Variants in IVD observed in about 807,000 individuals in gnomAD.
The protein encoded by IVD is isovaleryl-CoA dehydrogenase, also known as isovaleryl-CoA dehydrogenase, mitochondrial.
IVD carries 31 observed loss-of-function variants against 51.3 expected under a neutral mutation model. That is an observed-to-expected ratio of 0.60 (90% CI 0.45 to 0.81). The LOEUF is 0.81. Among genes scored for constraint, IVD ranks in the 40% least tolerant of loss-of-function variants. The pLI is 0.00. For synonymous variants in IVD, 205 were observed against 219.4 expected, an observed-to-expected ratio of 0.93 and a Z score of 0.58; for missense variants, 475 against 552.0, an observed-to-expected ratio of 0.86 and a Z score of 1.40.
chr15:40,435,221 T>A (rs1485458786), intron 8 of IVD, among the ~76,000 whole-genome samples: 1 of 152,116 alleles, frequency 6.6e-6, no homozygotes, highest in East Asian at 1.9e-4. Context: ...CTCGTCCCCA[T>A]GTTTGTCTTT....
intron 8 of IVD, 124 bp downstream of exon 8, chr15:40,415,106 C>A: frequency 8.9e-7 from 1 of 1,126,952 alleles, no homozygotes; most frequent in Non-Finnish European, 1.3e-6. Context: ...CCTGCTCTCT[C>A]CTGGGAGATG....
chr15:40,418,449 C>A lies in IVD; in HGVS notation c.*186C>A, dbSNP rs1426715791. On this transcript the variant is annotated 3_prime_UTR_variant, in exon 12 of 12. Transcript: ENST00000487418. ...AAGCATCATGGGCCTCGCAGCCGGG[C>A]CTGTGCCACGGCTAGTGTTGTGTGA... The A allele has an allele frequency of 2.0e-6, 3 of 1,485,784 alleles. No homozygotes were observed. The highest frequency in any genetic ancestry group is 1.4e-5 in the African/African-American group (1 of 71,574). The allele number at this position is 1,485,784 out of a possible 1,614,324, so 92.0% of individuals were successfully genotyped here. A position where few individuals can be genotyped will look rare whatever the true frequency, so the allele number is the denominator to read the frequency against.
In IVD at chr15:40,418,524, G is replaced by A. The variant is rs2075624; in HGVS notation, c.*261G>A. The A allele has an allele frequency of 0.25, 322,339 of 1,281,854 alleles. 47,255 individuals carry two copies. Among genetic ancestry groups the A allele is most frequent in the East Asian group, 0.66 (17,214 of 25,996 alleles). 79.4% of individuals were successfully genotyped at this position (1,281,854 alleles called of 1,614,324 possible). A position where few individuals can be genotyped will look rare whatever the true frequency, so the allele number is the denominator to read the frequency against. ...ATATTGTCTGGGGATTGTTGGGACAGGTTTTGGTGACTCTGTGCCCTTGCT... is the reference window on the plus strand; with the variant it reads ...ATATTGTCTGGGGATTGTTGGGACAAGTTTTGGTGACTCTGTGCCCTTGCT... On this transcript the variant is annotated 3_prime_UTR_variant, in exon 12 of 12. Coordinates refer to ENST00000487418, the MANE Select transcript of IVD (RefSeq NM_002225.5).
intron 11 of IVD, 46 bp downstream of exon 11, chr15:40,416,408 G>C: frequency 7.0e-6 from 11 of 1,576,402 alleles, no homozygotes; most frequent in Non-Finnish European, 9.6e-6. Context: ...TCACTCCTGG[G>C]GCCTGTGGCT....
At chr15:40,429,121 G>T (rs1892831719), downstream of IVD, among the ~76,000 whole-genome samples, 1 of 152,130 alleles carries the variant, frequency 6.6e-6, no homozygotes, top group Non-Finnish European at 1.5e-5. Context: ...TTTCCCTGCT[G>T]CCCCATGGAA....
At chr15:40,432,577 C>T (rs1208418900) in intron 7 of IVD, among the ~76,000 whole-genome samples, 1 of 152,266 alleles carries the variant, frequency 6.6e-6, no homozygotes, top group Non-Finnish European at 1.5e-5. Context: ...AAAAGAACCA[C>T]AGGTGATTCT....
intron 7 of IVD, 176 bp downstream of exon 7, chr15:40,413,263 C>T (rs1217377817): frequency 1.5e-6 from 1 of 661,846 alleles, no homozygotes; most frequent in East Asian, 2.8e-5. Flanking sequence ...CTGGCCAGGG[C>T]CCTGCAGCGG....
rs796051983 is a variant in IVD, at chr15:40,415,412, C to T, written c.890C>T (p.Ala297Val). 7 of 1,614,056 alleles carry T rather than the reference C, an allele frequency of 4.3e-6. No individual in the cohort carries two copies. The highest frequency in any genetic ancestry group is 4.5e-5 in the East Asian group (2 of 44,876). ...CTCCTTTCTGACAGGCTCATGCAAGCGGTCCTGGACCACACCATTCCCTAC... is the reference window on the plus strand; with the variant it reads ...CTCCTTTCTGACAGGCTCATGCAAGTGGTCCTGGACCACACCATTCCCTAC... ...LAGGPLGLMQ[A>V]VLDHTIPYLH... Residue 297 changes from alanine to valine, a missense_variant, in exon 9 of 12, where the codon GCG becomes GTG. Coordinates refer to ENST00000487418, the MANE Select transcript of IVD (RefSeq NM_002225.5).
At chr15:40,411,237 C>T (rs1198261831) in intron 4 of IVD, 23 bp from the exon 5 acceptor site, 6 of 1,611,366 alleles carry the variant, frequency 3.7e-6, no homozygotes, top group Non-Finnish European at 5.1e-6. Flanking sequence ...TGTAACAAGG[C>T]CTGTTGGGGG....
At chr15:40,417,440 G>A (rs906698191) in intron 11 of IVD, among the ~76,000 whole-genome samples, 5 of 151,312 alleles carry the variant, frequency 3.3e-5, no homozygotes, top group Admixed American at 1.3e-4. Flanking sequence ...CCTTGGATGC[G>A]GAGGTTGCAG....
chr15:40,412,823 C>T (rs1331246385), intron 6 of IVD, 168 bp from the exon 7 acceptor site: 7 of 625,606 alleles, frequency 1.1e-5, no homozygotes, highest in Admixed American at 2.5e-5. Flanking sequence ...CAATCTGGGG[C>T]GTTAGCACCG....
At chr15:40,411,760 C>A in intron 6 of IVD, 69 bp downstream of exon 6, 2 of 1,553,388 alleles carry the variant, frequency 1.3e-6, no homozygotes, top group Non-Finnish European at 1.8e-6. Flanking sequence ...ATAGCCCGTT[C>A]ACTGATCTCA....
intron 7 of IVD, chr15:40,414,526 T>G: frequency 3.3e-6 from 1 of 304,740 alleles, no homozygotes; most frequent in Non-Finnish European, 6.6e-6. Flanking sequence ...GGGGAAAGAG[T>G]AATTCTCTGG....
intron 7 of IVD, among the ~76,000 whole-genome samples, chr15:40,429,775 C>T (rs1892869787): frequency 6.6e-6 from 1 of 152,202 alleles, no homozygotes; most frequent in African/African-American, 2.4e-5. Context: ...ATTCTTCCAT[C>T]TTTTTAGTGG....
At chr15:40,418,066 T>G in intron 11 of IVD, 64 bp from the exon 12 acceptor site, 1 of 1,604,936 alleles carries the variant, frequency 6.2e-7, no homozygotes, top group Non-Finnish European at 8.5e-7. Context: ...ATACTTGGCA[T>G]TCTGTTTGCT....
chr15:40,433,106 C>T (rs961533690), intron 7 of IVD, among the ~76,000 whole-genome samples: 1 of 152,168 alleles, frequency 6.6e-6, no homozygotes, highest in Non-Finnish European at 1.5e-5. Flanking sequence ...GCATTCTTAA[C>T]CACTACGCTA....
At chr15:40,435,232 C>A (rs2141445735) in intron 8 of IVD, among the ~76,000 whole-genome samples, 1 of 152,266 alleles carries the variant, frequency 6.6e-6, no homozygotes, top group African/African-American at 2.4e-5. Context: ...GTTTGTCTTT[C>A]TTGTTGCTGC....
rs530906877 is a variant in IVD, at chr15:40,418,078, T to G, written c.1139-52T>G. 29 of 1,611,054 alleles carry G rather than the reference T, an allele frequency of 1.8e-5. No homozygotes were observed. The East Asian group carries it at 6.2e-4, about 35-fold the overall frequency. Reference sequence around the variant, plus strand: ...TATATACTTGGCATTCTGTTTGCTTTCTTTGTTTTGTCAATCACTTCCTTT... The same window carrying G: ...TATATACTTGGCATTCTGTTTGCTTGCTTTGTTTTGTCAATCACTTCCTTT... On this transcript the variant is annotated intron_variant, in intron 11 of 11. Coordinates refer to ENST00000487418, the MANE Select transcript of IVD (RefSeq NM_002225.5).
At chr15:40,410,057 T>C (rs4244578) in intron 3 of IVD, among the ~76,000 whole-genome samples, 38,079 of 151,874 alleles carry the variant, frequency 0.25, 5,955 homozygotes, top group East Asian at 0.65. Flanking sequence ...AGGATGGTCT[T>C]GATCTCCTGA....
Sources: allele counts gnomAD v4.1 joint callset (sites outside exome capture counted in the v4.1 genomes callset), GRCh38; gene constraint gnomAD v4.1.1; transcripts MANE v1.5; gene names NCBI Gene and HGNC (gene_info 2026-07-23, HGNC 2026-07-21).